DPP6: variants seen among roughly 807,000 people sequenced by gnomAD.
DPP6 encodes the protein A-type potassium channel modulatory protein DPP6.
A neutral mutation model predicts 122.6 loss-of-function variants in DPP6; 69 were observed. The ratio of observed to expected loss-of-function variants is 0.56; its 90% CI spans 0.46 to 0.69. The LOEUF is 0.69. DPP6 is among the 30% of genes least tolerant of loss of function. DPP6 has a pLI of 0.00. For synonymous variants in DPP6, 418 were observed against 433.1 expected (o/e 0.97, Z 0.43); for missense variants, 928 against 1,116.9 (o/e 0.83, Z 2.41).
At chr7:153,944,899 C>G (rs868169701) in intron 1 of DPP6, among the ~76,000 whole-genome samples, 1 of 152,090 alleles carries the variant, frequency 6.6e-6, no homozygotes, top group Non-Finnish European at 1.5e-5. Context: ...CAGGATGAGG[C>G]TGCAGACACA....
At chr7:153,764,840 T>G in the DPP6 span, among the ~76,000 whole-genome samples, 1 of 151,952 alleles carries the variant, frequency 6.6e-6, no homozygotes, top group African/African-American at 2.4e-5. Context: ...CGACACAGCT[T>G]GCTTCCAATA....
At chr7:154,454,699 C>A (rs978164576) in intron 2 of DPP6, among the ~76,000 whole-genome samples, 1 of 152,140 alleles carries the variant, frequency 6.6e-6, no homozygotes, top group Non-Finnish European at 1.5e-5. Flanking sequence ...ACTCTAACTT[C>A]TCATACCGTT....
chr7:153,777,178 A>G, the DPP6 span, among the ~76,000 whole-genome samples: 1 of 152,336 alleles, frequency 6.6e-6, no homozygotes, highest in African/African-American at 2.4e-5. Flanking sequence ...CTCCAACCAC[A>G]ATGAAATACC....
chr7:154,114,641 G>T (rs562346203), intron 1 of DPP6, among the ~76,000 whole-genome samples: 1 of 152,220 alleles, frequency 6.6e-6, no homozygotes, highest in Non-Finnish European at 1.5e-5. Context: ...ATCCAACTCC[G>T]TTGCTCAACT....
At chr7:154,385,182 G>T (rs1813987760) in intron 1 of DPP6, among the ~76,000 whole-genome samples, 1 of 152,138 alleles carries the variant, frequency 6.6e-6, no homozygotes, top group Non-Finnish European at 1.5e-5. Context: ...TGTTAGCCAG[G>T]ATGGTCTTGA....
At chr7:154,425,520 A>T (rs907332927) in intron 1 of DPP6, among the ~76,000 whole-genome samples, 1 of 151,770 alleles carries the variant, frequency 6.6e-6, no homozygotes, top group African/African-American at 2.4e-5. Flanking sequence ...TGAGCTTGCT[A>T]GTTAGTTGAT....
chr7:154,081,329 C>T (rs1803990594), intron 1 of DPP6, among the ~76,000 whole-genome samples: 1 of 134,830 alleles, frequency 7.4e-6, no homozygotes, highest in Non-Finnish European at 1.7e-5. Flanking sequence ...CCAAGCCTTT[C>T]AACACCTTAG....
intron 9 of DPP6, among the ~76,000 whole-genome samples, chr7:154,771,430 T>A (rs1008477813): frequency 7.9e-5 from 12 of 152,230 alleles, no homozygotes; most frequent in African/African-American, 2.9e-4. Context: ...AAGAGAGGGC[T>A]CTGGTGTCTC....
chr7:154,567,470 G>A (rs1830831625), intron 5 of DPP6, among the ~76,000 whole-genome samples: 2 of 152,182 alleles, frequency 1.3e-5, no homozygotes, highest in South Asian at 4.2e-4. Context: ...AAACTTCCTA[G>A]GCCAGGATCT....
chr7:154,164,858 A>G (rs1272669626), intron 1 of DPP6, among the ~76,000 whole-genome samples: 5 of 152,192 alleles, frequency 3.3e-5, no homozygotes, highest in Middle Eastern at 3.4e-3. Flanking sequence ...TCATCCATCC[A>G]TCAGTTGCTG....
chr7:153,908,885 C>G (rs924573650), intron 1 of DPP6, among the ~76,000 whole-genome samples: 1 of 152,118 alleles, frequency 6.6e-6, no homozygotes, highest in Non-Finnish European at 1.5e-5. Context: ...TCCTGAGTAC[C>G]TGGGACTACA....
chr7:154,388,535 G>T (rs1453647135), intron 1 of DPP6, among the ~76,000 whole-genome samples: 1 of 152,098 alleles, frequency 6.6e-6, no homozygotes. Flanking sequence ...ATATAATCCA[G>T]GCATTGGGAC....
intron 2 of DPP6, among the ~76,000 whole-genome samples, chr7:154,474,392 G>A (rs1822543572): frequency 6.6e-6 from 1 of 152,182 alleles, no homozygotes; most frequent in Non-Finnish European, 1.5e-5. Context: ...GGCAGAATCT[G>A]GTAGTCTGTG....
At chr7:154,540,407 G>A (rs911914852) in intron 3 of DPP6, 125 bp from the exon 4 acceptor site, 11 of 667,002 alleles carry the variant, frequency 1.6e-5, no homozygotes, top group African/African-American at 7.3e-5. Flanking sequence ...TGAAAGGGCC[G>A]TTTGATGAGT....
the DPP6 span, among the ~76,000 whole-genome samples, chr7:153,824,924 C>T: frequency 5.3e-5 from 8 of 152,130 alleles, no homozygotes; most frequent in African/African-American, 1.9e-4. Flanking sequence ...TCCAGTGTGC[C>T]TGAGTTCATC....
At chr7:154,509,675 CTAA>C (rs778625319) in intron 3 of DPP6, among the ~76,000 whole-genome samples, 2 of 152,144 alleles carry the variant, frequency 1.3e-5, no homozygotes, top group South Asian at 2.1e-4. Flanking sequence ...ACTAATTACA[CTAA>C]TGTTTGTAAT....
chr7:154,614,516 T>C (rs1586735818), intron 5 of DPP6, among the ~76,000 whole-genome samples: 1 of 152,292 alleles, frequency 6.6e-6, no homozygotes, highest in East Asian at 1.9e-4. Context: ...AATGGTTTAT[T>C]AGGTTTTATA....
At chr7:154,685,138 A>G (rs956279130) in intron 7 of DPP6, among the ~76,000 whole-genome samples, 7 of 152,216 alleles carry the variant, frequency 4.6e-5, no homozygotes, top group Admixed American at 6.5e-5. Flanking sequence ...CTGTGTTGTA[A>G]CAGAGCCAGC....
At chr7:154,739,181 C>A (rs1842706790) in intron 8 of DPP6, among the ~76,000 whole-genome samples, 1 of 152,186 alleles carries the variant, frequency 6.6e-6, no homozygotes, top group Non-Finnish European at 1.5e-5. Flanking sequence ...ATGGTCCCAC[C>A]AGGGTTCCAG....
Sources: allele counts gnomAD v4.1 joint callset (sites outside exome capture counted in the v4.1 genomes callset), GRCh38; gene constraint gnomAD v4.1.1; transcripts MANE v1.5; gene names NCBI Gene and HGNC (gene_info 2026-07-23, HGNC 2026-07-21).